Variants in USP47 observed in about 807,000 individuals in gnomAD.
USP47 encodes the protein ubiquitin carboxyl-terminal hydrolase 47.
USP47 carries 35 observed loss-of-function variants against 165.1 expected under a neutral mutation model. The ratio of observed to expected loss-of-function variants is 0.21; its 90% CI spans 0.16 to 0.28. USP47 has a LOEUF of 0.28. USP47 is among the 10% of genes least tolerant of loss of function. The pLI is 1.00. For synonymous variants in USP47, 531 were observed against 544.5 expected (o/e 0.98, Z 0.35); for missense variants, 1,277 against 1,607.4 (o/e 0.79, Z 3.52).
chr11:11,892,381 T>TTC (rs2134382873), intron 4 of USP47, among the ~76,000 whole-genome samples: 1 of 34,822 alleles, frequency 2.9e-5, no homozygotes, highest in African/African-American at 3.9e-4. Context: ...TTTAATTTTC[T>TTC]TTTTTTTTTT....
intron 19 of USP47, among the ~76,000 whole-genome samples, chr11:11,941,891 T>A (rs1215975736): frequency 6.6e-6 from 1 of 152,082 alleles, no homozygotes; most frequent in East Asian, 1.9e-4. Flanking sequence ...GCCCATTAAA[T>A]TTTTCCATGA....
chr11:11,855,843 G>C (rs918844297), intron 1 of USP47, among the ~76,000 whole-genome samples: 1 of 152,214 alleles, frequency 6.6e-6, no homozygotes, highest in African/African-American at 2.4e-5. Flanking sequence ...ACTACAGAGA[G>C]ATTCAAAGAT....
At chr11:11,870,857 A>G (rs1849993246) in intron 1 of USP47, among the ~76,000 whole-genome samples, 1 of 152,042 alleles carries the variant, frequency 6.6e-6, no homozygotes, top group Non-Finnish European at 1.5e-5. Flanking sequence ...ACATTTGTTA[A>G]TCCCATCCAT....
intron 7 of USP47, 70 bp from the exon 8 acceptor site, chr11:11,905,329 G>T (rs1852490572): frequency 8.5e-7 from 1 of 1,171,146 alleles, no homozygotes; most frequent in East Asian, 2.8e-5. Flanking sequence ...ATTCTAAAAA[G>T]TGTAGAATGT....
intron 1 of USP47, among the ~76,000 whole-genome samples, chr11:11,847,149 T>G (rs1848472186): frequency 6.6e-6 from 1 of 152,168 alleles, no homozygotes; most frequent in African/African-American, 2.4e-5. Context: ...TATTAAGAGT[T>G]GCTATTTCTG....
chr11:11,949,180 A>G (rs1209943410), intron 22 of USP47: 1 of 152,308 alleles, frequency 6.6e-6, no homozygotes, highest in Non-Finnish European at 1.5e-5. Context: ...GTGTGGGTGA[A>G]TGATCTAAAC....
At chr11:11,895,607 GTC>G (rs1851797998) in intron 4 of USP47, among the ~76,000 whole-genome samples, 1 of 152,154 alleles carries the variant, frequency 6.6e-6, no homozygotes, top group Non-Finnish European at 1.5e-5. Context: ...ACTCTTTCCT[GTC>G]TCTTTCCTAC....
intron 10 of USP47, among the ~76,000 whole-genome samples, chr11:11,921,147 C>T (rs1853806161): frequency 6.6e-6 from 1 of 151,644 alleles, no homozygotes; most frequent in Non-Finnish European, 1.5e-5. Flanking sequence ...ATTTTGGAAA[C>T]TCTTCTGATT....
At chr11:11,947,834 G>A (rs1263545951) in intron 20 of USP47, 111 bp from the exon 21 acceptor site, 2 of 1,078,126 alleles carry the variant, frequency 1.9e-6, no homozygotes, top group African/African-American at 1.6e-5. Flanking sequence ...AACTGAAAAG[G>A]GGTACTCTTT....
In USP47 at chr11:11,960,437, G is replaced by A. The variant is rs3750935; in HGVS notation, c.*4262G>A. On this transcript the variant is annotated 3_prime_UTR_variant, in exon 28 of 28. Coordinates refer to ENST00000527733, the MANE Select transcript of USP47 (RefSeq NM_001282659.2). ...CATGAAATTTGACAGTGTCTTGCCA[G>A]CCTCCTGCTGGCAGACACTTCTCTG... 0.71 allele frequency among the ~76,000 whole-genome samples: 107,843 copies of A among 151,710 alleles called. 38,694 individuals carry two copies. The highest frequency in any genetic ancestry group is 0.92 in the Middle Eastern group (270 of 294).
At chr11:11,845,036 A>G (rs1354169221) in intron 1 of USP47, among the ~76,000 whole-genome samples, 2 of 152,212 alleles carry the variant, frequency 1.3e-5, no homozygotes, top group Non-Finnish European at 2.9e-5. Context: ...AGTCAAAAGA[A>G]TTATAATAGT....
chr11:11,850,371 T>A (rs2134134336), intron 1 of USP47, among the ~76,000 whole-genome samples: 1 of 151,320 alleles, frequency 6.6e-6, no homozygotes, highest in African/African-American at 2.4e-5. Context: ...TACTAAGTTC[T>A]TATTTCTGCT....
In USP47 at chr11:11,930,685, GT is replaced by G. The variant is rs1854603508; in HGVS notation, c.1596-8del. 3 of 1,587,466 alleles carry G rather than the reference GT, an allele frequency of 1.9e-6. No individual in the cohort carries two copies. Among genetic ancestry groups the G allele is most frequent in the African/African-American group, 1.4e-5 (1 of 73,374 alleles). The stretch of plus-strand genomic sequence containing the variant: ...TTTTGTCCTTATTAATCTTTTTTAT[GT>G]TTCTACTAGTTCCACAAATGCATAT... On this transcript the variant is annotated splice_polypyrimidine_tract_variant and intron_variant, in intron 13 of 27. Transcript: ENST00000527733.
At chr11:11,865,710 A>G (rs1345480509) in intron 1 of USP47, among the ~76,000 whole-genome samples, 10 of 151,768 alleles carry the variant, frequency 6.6e-5, no homozygotes, top group East Asian at 5.8e-4. Flanking sequence ...TTTCATTTCA[A>G]TGGCCATCTT....
At chr11:11,930,193 A>G (rs1012117661) in intron 13 of USP47, 73 bp downstream of exon 13, 19 of 1,382,172 alleles carry the variant, frequency 1.4e-5, no homozygotes, top group Admixed American at 1.8e-5. Context: ...TTTTATCATC[A>G]AAGATTTAAC....
Position 11,842,006 on chromosome 11 carries a change from G to A in USP47, c.-180G>A, listed in dbSNP as rs572493763. Reference sequence around the variant, plus strand: ...GGCTGTGGTAGCGGCGGCGGCGGCGGCGGAGCCCTGGGTCGGTGTCTGCGC... The same window carrying A: ...GGCTGTGGTAGCGGCGGCGGCGGCGACGGAGCCCTGGGTCGGTGTCTGCGC... On this transcript the variant is annotated 5_prime_UTR_variant, in exon 1 of 28. Coordinates refer to ENST00000527733, the MANE Select transcript of USP47 (RefSeq NM_001282659.2). The A allele has an allele frequency of 1.4e-4, 82 of 607,184 alleles. 1 individual carries two copies. In the South Asian group the frequency reaches 2.3e-3, roughly 17 times the overall value. 37.6% of individuals were successfully genotyped at this position (607,184 alleles called of 1,614,324 possible).
At chr11:11,885,154 A>G (rs966236193) in intron 3 of USP47, among the ~76,000 whole-genome samples, 20 of 152,046 alleles carry the variant, frequency 1.3e-4, no homozygotes, top group Non-Finnish European at 2.1e-4. Flanking sequence ...GTATCTCCCA[A>G]TTTGAGGGCT....
chr11:11,920,671 T>G (rs1357634197), intron 10 of USP47, among the ~76,000 whole-genome samples, 177 bp downstream of exon 10: 1 of 151,890 alleles, frequency 6.6e-6, no homozygotes, highest in Non-Finnish European at 1.5e-5. Flanking sequence ...TTGTATAAGC[T>G]TTTCCTGACT....
intron 15 of USP47, among the ~76,000 whole-genome samples, chr11:11,933,458 T>G (rs182110185): frequency 1.8e-3 from 276 of 152,248 alleles, no homozygotes; most frequent in African/African-American, 6.4e-3. Context: ...ATAATTTCTC[T>G]TATGGAATTA....
Sources: gnomAD v4.1 joint callset for allele counts (sites outside exome capture counted in the v4.1 genomes callset) on GRCh38, gnomAD v4.1.1 for gene constraint, MANE v1.5 for transcripts, NCBI Gene and HGNC (gene_info 2026-07-23, HGNC 2026-07-21) for gene names.